TSPAN16: variants seen among roughly 807,000 people sequenced by gnomAD.
The protein encoded by TSPAN16 is tetraspanin-16.
Under a neutral mutation model 25.2 loss-of-function variants are expected in TSPAN16, and 23 were observed. That is an observed-to-expected ratio of 0.91 (90% confidence interval 0.66 to 1.29). The LOEUF is 1.29. TSPAN16 is among the 50% of genes most tolerant of loss of function. The pLI, the probability that TSPAN16 is intolerant of heterozygous loss-of-function variation, is 0.00. For missense variants in TSPAN16, 272 were observed against 299.9 expected, an observed-to-expected ratio of 0.91 and a Z score of 0.69; for synonymous variants, 123 against 124.4, an observed-to-expected ratio of 0.99 and a Z score of 0.08.
chr19:11,303,792 GT>G (rs966825281), intron 4 of TSPAN16, among the ~76,000 whole-genome samples: 4 of 149,396 alleles, frequency 2.7e-5, no homozygotes, highest in African/African-American at 1.0e-4. Context: ...TTCTGGGTTT[GT>G]TTTTTTTTGA....
At chr19:11,326,042 G>C (rs1484902113) in intron 6 of TSPAN16, among the ~76,000 whole-genome samples, 1 of 152,060 alleles carries the variant, frequency 6.6e-6, no homozygotes, top group African/African-American at 2.4e-5. Context: ...CCAACATGGT[G>C]AAACCCCATC....
In TSPAN16 at chr19:11,312,143, G is replaced by A. The variant is rs1353655079; in HGVS notation, c.608G>A (p.Cys203Tyr). 6.2e-7 allele frequency: 1 copy of A among 1,611,186 alleles called. No homozygotes were observed. Among genetic ancestry groups the A allele is most frequent in the Non-Finnish European group, 8.5e-7 (1 of 1,179,382 alleles). Residue 203 changes from cysteine (C) to tyrosine (Y), a missense_variant, in exon 6 of 7, where the codon TGT becomes TAT. Cys to Tyr is a radical substitution (Grantham distance 194, BLOSUM62 -2). Transcript: ENST00000590327. Reference sequence around the variant, plus strand: ...TTTTGGTGTTTGTTTCCTCAGGGCTGTTTCCATAAACTCCTAAAAATCACC... The same window carrying A: ...TTTTGGTGTTTGTTTCCTCAGGGCTATTTCCATAAACTCCTAAAAATCACC... ...VSPNVIHQKG[C>Y]FHKLLKITKT...
chr19:11,296,453 A>C (rs1014785798), intron 1 of TSPAN16, 87 bp downstream of exon 1: 2 of 1,410,976 alleles, frequency 1.4e-6, no homozygotes, highest in South Asian at 1.2e-5. Flanking sequence ...AGTTGATCCA[A>C]ATTGGCATCG....
chr19:11,298,406 G>T (rs1053395920), intron 2 of TSPAN16, 67 bp downstream of exon 2: 312 of 1,497,256 alleles, frequency 2.1e-4, no homozygotes, highest in Non-Finnish European at 2.8e-4. Context: ...TATTGTGCGT[G>T]TTGCAAACAA....
intron 3 of TSPAN16, among the ~76,000 whole-genome samples, chr19:11,300,105 C>T (rs964158563): frequency 6.6e-6 from 1 of 152,062 alleles, no homozygotes; most frequent in Non-Finnish European, 1.5e-5. Context: ...ACATCAGGTA[C>T]AGGGAAGGAG....
At chr19:11,319,260 G>A (rs973826717), downstream of TSPAN16, among the ~76,000 whole-genome samples, 7 of 152,190 alleles carry the variant, frequency 4.6e-5, no homozygotes, top group Non-Finnish European at 7.3e-5. Flanking sequence ...AATGACTCAC[G>A]GATCTCAGGC....
At chr19:11,305,640 G>A (rs1236879864) in intron 4 of TSPAN16, among the ~76,000 whole-genome samples, 1 of 152,156 alleles carries the variant, frequency 6.6e-6, no homozygotes, top group Non-Finnish European at 1.5e-5. Flanking sequence ...GCTGAGATGG[G>A]TGGATCGCTT....
At chr19:11,298,075 C>T (rs2080498778) in intron 1 of TSPAN16, 67 bp from the exon 2 acceptor site, 8 of 1,550,250 alleles carry the variant, frequency 5.2e-6, no homozygotes, top group Non-Finnish European at 7.1e-6. Flanking sequence ...AGCCACCGCA[C>T]TCACCCAGTT....
chr19:11,316,215 T>C (rs763974823), downstream of TSPAN16, among the ~76,000 whole-genome samples: 5 of 149,986 alleles, frequency 3.3e-5, no homozygotes, highest in Non-Finnish European at 7.4e-5. Flanking sequence ...ACCTCCGGGG[T>C]TCAAGTGAGT....
At chr19:11,304,372 T>C (rs1258581961) in intron 4 of TSPAN16, among the ~76,000 whole-genome samples, 1 of 151,364 alleles carries the variant, frequency 6.6e-6, no homozygotes, top group Non-Finnish European at 1.5e-5. Context: ...GACAGAGTCG[T>C]ACTCCCAAAA....
intron 6 of TSPAN16, among the ~76,000 whole-genome samples, chr19:11,315,513 G>A (rs1051229628): frequency 1.3e-5 from 2 of 150,946 alleles, no homozygotes; most frequent in Admixed American, 1.3e-4. Flanking sequence ...GCCAAGATCC[G>A]CCACTGCACT....
intron 6 of TSPAN16, among the ~76,000 whole-genome samples, chr19:11,314,034 TTGA>T (rs552868370): frequency 5.9e-5 from 9 of 152,182 alleles, no homozygotes; most frequent in Non-Finnish European, 1.3e-4. Flanking sequence ...CAAAAACTTA[TTGA>T]TATATGCTAC....
rs767514145 is a variant in TSPAN16, at chr19:11,298,140, A to C, written c.70-2A>C. ...TCTTCCTTTCTGGTTTCTGTTCTAA[A>C]GGTGTCTGGCATCATCCTAGTTGGC... On this transcript the variant is annotated splice_acceptor_variant, in intron 1 of 6. Coordinates refer to ENST00000590327, the MANE Select transcript of TSPAN16 (RefSeq NM_001282509.2). LOFTEE classifies it high-confidence loss of function. The C allele has an allele frequency of 1.7e-5, 27 of 1,614,060 alleles. No individual in the cohort carries two copies. The highest frequency in any genetic ancestry group is 2.3e-5 in the Non-Finnish European group (27 of 1,179,964).
Position 11,325,366 on chromosome 19 carries a change from G to A in TSPAN16, c.688-1428G>A, listed in dbSNP as rs943420005. 9.2e-6 allele frequency: 13 copies of A among 1,420,724 alleles called. No individual in the cohort carries two copies. In the African/African-American group the frequency reaches 1.3e-4, roughly 14 times the overall value. The allele number at this position is 1,420,724 out of a possible 1,614,324, so 88.0% of individuals were successfully genotyped here. A position where few individuals can be genotyped will look rare whatever the true frequency, so the allele number is the denominator to read the frequency against. ...TCGATCACAGTCCCTGCCGAGGCAG[G>A]AGAGGGGTGGGTGGGGGGTTGGGGG... is the stretch of plus-strand genomic sequence containing the variant. On this transcript the variant is annotated intron_variant, in intron 6 of 6. Coordinates refer to the TSPAN16 transcript ENST00000316737.
At chr19:11,325,356 G>C (rs1442165326) in intron 6 of TSPAN16, 1 of 1,358,562 alleles carries the variant, frequency 7.4e-7, no homozygotes, top group African/African-American at 1.4e-5. Context: ...CACAGTCCCT[G>C]CCGAGGCAGG....
intron 4 of TSPAN16, among the ~76,000 whole-genome samples, chr19:11,302,678 TACACACACACAC>T (rs144679719): frequency 2.4e-5 from 3 of 126,558 alleles, no homozygotes; most frequent in Non-Finnish European, 4.9e-5. Flanking sequence ...TATATATATA[TACACACACACAC>T]ACACACACAC....
At chr19:11,313,541 AAT>A (rs200915843) in intron 6 of TSPAN16, among the ~76,000 whole-genome samples, 66 of 150,492 alleles carry the variant, frequency 4.4e-4, no homozygotes, top group African/African-American at 6.8e-4. Context: ...AAAAAAAAAA[AAT>A]TATATCTTAA....
At chr19:11,313,027 C>G (rs322144) in intron 6 of TSPAN16, among the ~76,000 whole-genome samples, 87,655 of 151,920 alleles carry the variant, frequency 0.58, 26,616 homozygotes, top group African/African-American at 0.76. Flanking sequence ...CAAGTAATGA[C>G]ATTAAATTAG....
intron 3 of TSPAN16, chr19:11,300,632 A>G (rs2080534073): frequency 6.5e-6 from 1 of 152,728 alleles, no homozygotes; most frequent in African/African-American, 2.4e-5. Flanking sequence ...ACATAGAAGA[A>G]CATCTCTTTG....
Sources: gnomAD v4.1 joint callset for allele counts (sites outside exome capture counted in the v4.1 genomes callset) on GRCh38, gnomAD v4.1.1 for gene constraint, MANE v1.5 for transcripts, NCBI Gene and HGNC (gene_info 2026-07-23, HGNC 2026-07-21) for gene names.